Variants in CDK17 observed in about 807,000 individuals in gnomAD.
The protein encoded by CDK17 is cyclin dependent kinase 17.
CDK17 carries 24 observed loss-of-function variants against 77.6 expected under a neutral mutation model. The observed-to-expected ratio is 0.31, with a 90% CI of 0.22 to 0.44. The LOEUF (loss-of-function observed/expected upper bound fraction) is 0.44. CDK17 is among the 20% of genes least tolerant of loss of function. CDK17 has a pLI of 1.00. For missense variants in CDK17, 429 were observed against 622.5 expected, an observed-to-expected ratio of 0.69 and a Z score of 3.31; for synonymous variants, 203 against 210.4, an observed-to-expected ratio of 0.96 and a Z score of 0.30.
Position 96,400,025 on chromosome 12 carries a change from G to A in CDK17, c.-69C>T. On this transcript the variant is annotated 5_prime_UTR_variant, in exon 1 of 17. Transcript: ENST00000261211. ...ACCGCGGGTCCCGAGGCGAGGCGAA[G>A]AGAGGCGCGGGGGGAAGCTGCTCCG... 2 of 385,970 alleles carry A rather than the reference G, an allele frequency of 5.2e-6. No homozygotes were observed. The highest frequency in any genetic ancestry group is 3.7e-5 in the East Asian group (1 of 27,052). The allele number at this position is 385,970 out of a possible 1,614,324, so 23.9% of individuals were successfully genotyped here. A position where few individuals can be genotyped will look rare whatever the true frequency, so the allele number is the denominator to read the frequency against.
chr12:96,381,365 CAAA>C (rs58765838), intron 1 of CDK17, among the ~76,000 whole-genome samples: 2,232 of 144,146 alleles, frequency 0.015, 29 homozygotes, highest in African/African-American at 0.041. Context: ...TTTTTTCCTA[CAAA>C]AAAAAAAAAA....
intron 1 of CDK17, among the ~76,000 whole-genome samples, chr12:96,348,544 A>C (rs1161174353): frequency 1.4e-5 from 2 of 147,144 alleles, no homozygotes; most frequent in Admixed American, 6.8e-5. Context: ...AAAAAAAAAC[A>C]AAAAAGAAAA....
intron 1 of CDK17, among the ~76,000 whole-genome samples, chr12:96,381,959 G>A (rs1444382147): frequency 6.6e-6 from 1 of 152,012 alleles, no homozygotes; most frequent in East Asian, 1.9e-4. Flanking sequence ...TAAAACCAAT[G>A]ATCAAAAGCA....
chr12:96,328,140 C>T (rs903201072), intron 2 of CDK17, among the ~76,000 whole-genome samples: 5 of 152,082 alleles, frequency 3.3e-5, no homozygotes, highest in Admixed American at 1.3e-4. Flanking sequence ...GGAGTACTAA[C>T]GCTGTTGTGA....
At chr12:96,346,007 T>A (rs1011252754) in intron 1 of CDK17, among the ~76,000 whole-genome samples, 1 of 152,218 alleles carries the variant, frequency 6.6e-6, no homozygotes, top group African/African-American at 2.4e-5. Flanking sequence ...CTGGATTTTT[T>A]AAAAACCCAA....
At chr12:96,378,987 A>G (rs937368173) in intron 1 of CDK17, among the ~76,000 whole-genome samples, 3 of 152,242 alleles carry the variant, frequency 2.0e-5, no homozygotes, top group African/African-American at 7.2e-5. Flanking sequence ...CAAAAAAATA[A>G]GTTTAATTTT....
chr12:96,293,960 G>C (rs1479330177), intron 10 of CDK17, among the ~76,000 whole-genome samples: 1 of 152,096 alleles, frequency 6.6e-6, no homozygotes, highest in African/African-American at 2.4e-5. Flanking sequence ...GAAATGATAG[G>C]CTTCCTTCAT....
At chr12:96,323,279 A>AAC (rs751161584) in intron 3 of CDK17, among the ~76,000 whole-genome samples, 1 of 132,876 alleles carries the variant, frequency 7.5e-6, no homozygotes, top group African/African-American at 2.7e-5. Context: ...AAAAAAAAAA[A>AAC]AAAAACAAAA....
intron 11 of CDK17, among the ~76,000 whole-genome samples, chr12:96,287,558 T>C (rs780302826): frequency 6.6e-6 from 1 of 152,126 alleles, no homozygotes; most frequent in Non-Finnish European, 1.5e-5. Context: ...CCTAGGTATA[T>C]ATCTAAAAGA....
chr12:96,365,887 GT>G (rs2137197455), intron 1 of CDK17, among the ~76,000 whole-genome samples: 1 of 152,270 alleles, frequency 6.6e-6, no homozygotes, highest in South Asian at 2.1e-4. Flanking sequence ...TTAAAAAAAA[GT>G]TTTTATTTTT....
chr12:96,314,536 A>G (rs987578122), intron 3 of CDK17, among the ~76,000 whole-genome samples: 1 of 152,152 alleles, frequency 6.6e-6, no homozygotes, highest in Non-Finnish European at 1.5e-5. Flanking sequence ...CAAAAATTCA[A>G]AAAACTGCAA....
At chr12:96,383,589 A>G (rs1213955886) in intron 1 of CDK17, among the ~76,000 whole-genome samples, 1 of 152,170 alleles carries the variant, frequency 6.6e-6, no homozygotes, top group Non-Finnish European at 1.5e-5. Context: ...CCAATGGAAC[A>G]GAATGGAGAA....
intron 4 of CDK17, among the ~76,000 whole-genome samples, chr12:96,311,440 A>G (rs749758858): frequency 6.6e-6 from 1 of 151,084 alleles, no homozygotes; most frequent in Non-Finnish European, 1.5e-5. Flanking sequence ...TCAACTTGAA[A>G]TTTACTTTAA....
At chr12:96,349,535 C>CA (rs34417608) in intron 1 of CDK17, among the ~76,000 whole-genome samples, 8,037 of 105,860 alleles carry the variant, frequency 0.076, 284 homozygotes, top group East Asian at 0.16. Flanking sequence ...ATTGATTTAG[C>CA]AAAAAAAAAA....
intron 1 of CDK17, among the ~76,000 whole-genome samples, chr12:96,387,586 T>C (rs1424164758): frequency 6.6e-6 from 1 of 152,190 alleles, no homozygotes; most frequent in South Asian, 2.1e-4. Context: ...AAGAATAAAA[T>C]GCAAAGTCAG....
chr12:96,296,574 G>T (rs530422370), intron 9 of CDK17, among the ~76,000 whole-genome samples: 1 of 152,226 alleles, frequency 6.6e-6, no homozygotes, highest in East Asian at 1.9e-4. Flanking sequence ...TTCAGAATAG[G>T]TTCTTACATA....
rs368589172 is a variant in CDK17, at chr12:96,367,162, G to C, written c.-29-32297C>G. 2.7e-4 allele frequency among the ~76,000 whole-genome samples: 41 copies of C among 151,828 alleles called. 1 individual carries two copies. In the South Asian group the frequency reaches 8.1e-3, roughly 30 times the overall value. On this transcript the variant is annotated intron_variant, in intron 1 of 16. Coordinates refer to ENST00000261211, the MANE Select transcript of CDK17 (RefSeq NM_002595.5). ...GTTCAAGACCAGCCTGGCCAATATG[G>C]TGAAACCTCGTCTGTACTAAAAATA...
chr12:96,334,864 T>C lies in CDK17; in HGVS notation c.-28A>G, dbSNP rs771351963. 8.5e-7 allele frequency: 1 copy of C among 1,181,410 alleles called. No homozygotes were observed. Among genetic ancestry groups the C allele is most frequent in the Non-Finnish European group, 1.3e-6 (1 of 789,108 alleles). The allele number at this position is 1,181,410 out of a possible 1,614,324, so 73.2% of individuals were successfully genotyped here. A position where few individuals can be genotyped will look rare whatever the true frequency, so the allele number is the denominator to read the frequency against. ...TATCAATTGAATGTGGCTTGAAAAA[T>C]CCTGAAAGAAAAGAATAAACACAAA... is the stretch of plus-strand genomic sequence containing the variant. On this transcript the variant is annotated splice_region_variant and 5_prime_UTR_variant, in exon 2 of 17. Transcript: ENST00000261211.
At chr12:96,390,133 G>C (rs1208608807) in intron 1 of CDK17, among the ~76,000 whole-genome samples, 2 of 147,278 alleles carry the variant, frequency 1.4e-5, no homozygotes, top group African/African-American at 5.0e-5. Context: ...CGGCTGAAAA[G>C]AGGTATAATT....
Sources: allele counts gnomAD v4.1 joint callset (sites outside exome capture counted in the v4.1 genomes callset), GRCh38; gene constraint gnomAD v4.1.1; transcripts MANE v1.5; gene names NCBI Gene and HGNC (gene_info 2026-07-23, HGNC 2026-07-21).